Variants in WDR48 observed in about 807,000 individuals in gnomAD.
The protein encoded by WDR48 is WD repeat-containing protein 48.
WDR48 carries 22 observed loss-of-function variants against 94.0 expected under a neutral mutation model. The ratio of observed to expected loss-of-function variants is 0.23; its 90% CI spans 0.17 to 0.33. The LOEUF is 0.33. Among genes scored for constraint, WDR48 ranks in the 10% least tolerant of loss-of-function variants. The probability of loss-of-function intolerance (pLI) is 1.00; values close to 1 mark genes in which losing one functional copy is unlikely to be tolerated. For missense variants in WDR48, 541 were observed against 813.8 expected (o/e 0.66, Z 4.08); for synonymous variants, 278 against 280.5 (o/e 0.99, Z 0.09).
Position 39,094,825 on chromosome 3 carries a change from C to G in WDR48, c.*82C>G. On this transcript the variant is annotated 3_prime_UTR_variant, in exon 19 of 19. Coordinates refer to ENST00000302313, the MANE Select transcript of WDR48 (RefSeq NM_020839.4). ...GTAGTCCTAGGAAGCCCACTGATCCCCAACGGGAGCAAGACTTCTAACGGC... is the reference window on the plus strand; with the variant it reads ...GTAGTCCTAGGAAGCCCACTGATCCGCAACGGGAGCAAGACTTCTAACGGC... 6.5e-7 allele frequency: 1 copy of G among 1,534,786 alleles called. No individual in the cohort carries two copies. Among genetic ancestry groups the G allele is most frequent in the Non-Finnish European group, 8.8e-7 (1 of 1,133,752 alleles).
chr3:39,084,917 G>A (rs1413752915), intron 13 of WDR48, among the ~76,000 whole-genome samples, 176 bp downstream of exon 13: 1 of 152,094 alleles, frequency 6.6e-6, no homozygotes, highest in African/African-American at 2.4e-5. Flanking sequence ...ATTTCATATG[G>A]AAATAGCCGT....
intron 1 of WDR48, among the ~76,000 whole-genome samples, chr3:39,055,031 A>G (rs1287985149): frequency 6.6e-6 from 1 of 152,256 alleles, no homozygotes; most frequent in Non-Finnish European, 1.5e-5. Flanking sequence ...ATTTGCTCTT[A>G]TACATCAAAA....
intron 1 of WDR48, among the ~76,000 whole-genome samples, chr3:39,061,132 G>T (rs138127973): frequency 0.069 from 10,490 of 152,054 alleles, 1,157 homozygotes; most frequent in African/African-American, 0.23. Context: ...CAAGTTCTAG[G>T]GTACATGTGC....
chr3:39,084,792 A>G (rs769570122), intron 13 of WDR48, 51 bp downstream of exon 13: 1 of 1,505,766 alleles, frequency 6.6e-7, no homozygotes, highest in South Asian at 1.2e-5. Context: ...GAGAAGATGA[A>G]TATGAGCTGT....
At chr3:39,056,246 A>T (rs2032878901) in intron 1 of WDR48, among the ~76,000 whole-genome samples, 1 of 152,232 alleles carries the variant, frequency 6.6e-6, no homozygotes, top group African/African-American at 2.4e-5. Context: ...CTCCAGTTAT[A>T]AAATAGTAAA....
intron 7 of WDR48, among the ~76,000 whole-genome samples, chr3:39,074,344 TA>T (rs1281628663): frequency 7.9e-5 from 12 of 152,316 alleles, no homozygotes; most frequent in African/African-American, 2.9e-4. Context: ...CCATTTTCCT[TA>T]TTGGCAACTA....
intron 17 of WDR48, among the ~76,000 whole-genome samples, chr3:39,091,924 C>A (rs1179162625): frequency 6.6e-6 from 1 of 152,202 alleles, no homozygotes; most frequent in Admixed American, 6.5e-5. Flanking sequence ...ATAATCCCAA[C>A]ACTTTGGGAG....
chr3:39,094,373 C>T, intron 18 of WDR48: 4 of 1,461,256 alleles, frequency 2.7e-6, no homozygotes, highest in Non-Finnish European at 3.6e-6. Flanking sequence ...GGAGAAATGG[C>T]AGAACTGTTT....
At chr3:39,093,815 G>A (rs1202733090) in intron 17 of WDR48, 59 bp from the exon 18 acceptor site, 2 of 1,390,226 alleles carry the variant, frequency 1.4e-6, no homozygotes, top group Non-Finnish European at 1.9e-6. Context: ...AAAATAATAT[G>A]GAATAAATAA....
intron 8 of WDR48, among the ~76,000 whole-genome samples, chr3:39,076,073 G>A (rs2034208891): frequency 6.6e-6 from 1 of 152,140 alleles, no homozygotes; most frequent in South Asian, 2.1e-4. Context: ...AAAGGAAAAT[G>A]AGAAACAGAA....
chr3:39,058,736 C>T (rs978764277), intron 1 of WDR48, among the ~76,000 whole-genome samples: 2 of 152,140 alleles, frequency 1.3e-5, no homozygotes, highest in African/African-American at 2.4e-5. Flanking sequence ...GCAGACAAGT[C>T]CCTTGCCTTC....
intron 1 of WDR48, among the ~76,000 whole-genome samples, chr3:39,057,346 A>C (rs1014645587): frequency 1.3e-5 from 2 of 152,238 alleles, no homozygotes; most frequent in African/African-American, 4.8e-5. Context: ...TTAACTATCC[A>C]GTAGCAACAA....
Position 39,069,682 on chromosome 3 carries a change from A to G in WDR48, c.610A>G (p.Met204Val). The G allele has an allele frequency of 1.2e-6, 2 of 1,613,864 alleles. No homozygotes were observed. Among genetic ancestry groups the G allele is most frequent in the Non-Finnish European group, 1.7e-6 (2 of 1,179,794 alleles). Residue 204 changes from methionine to valine, a missense_variant, in exon 7 of 19, where the codon ATG (methionine) becomes GTG (valine). By Grantham distance (21) the Met-to-Val change is conservative. This residue lies in a region of WDR48 where 104 missense variants were observed against 189.7 expected (regional missense o/e 0.55). Transcript: ENST00000302313. ...GGATCCAAGAACATGTGCAAAACTA[A>G]TGAAGCTTAAAGGGCACACGGATAA... ...VWDPRTCAKL[M>V]KLKGHTDNVK...
chr3:39,079,714 G>A lies in WDR48; in HGVS notation c.1079G>A (p.Gly360Asp). 1 of 1,541,638 alleles carries A rather than the reference G, an allele frequency of 6.5e-7. No individual in the cohort carries two copies. The highest frequency in any genetic ancestry group is 8.7e-7 in the Non-Finnish European group (1 of 1,152,424). ...CTQPDQVIKGGASIIQCHILN... is the reference protein window; with the variant it reads ...CTQPDQVIKGDASIIQCHILN... ...TTGTGTTTTTTTTTCCCATTAGGGG[G>A]TGCTAGTATTATTCAGTGCCACATT... The change falls in exon 11 of 19, where the codon GGT becomes GAT. Residue 360 changes from glycine (G) to aspartate (D), a missense_variant. By Grantham distance (94) the Gly-to-Asp change is moderately conservative. This residue lies in a region of WDR48 where 238 missense variants were observed against 285.3 expected (regional missense o/e 0.83). Coordinates refer to ENST00000302313, the MANE Select transcript of WDR48 (RefSeq NM_020839.4).
intron 2 of WDR48, among the ~76,000 whole-genome samples, chr3:39,065,314 A>G (rs1185635643): frequency 6.6e-6 from 1 of 152,138 alleles, no homozygotes; most frequent in African/African-American, 2.4e-5. Flanking sequence ...GGTGAACCCA[A>G]CAGTAGGAAG....
rs116639638 is a variant in WDR48 at position 39,055,823 on chromosome 3, C to G, written c.48+3750C>G. 4.8e-3 allele frequency among the ~76,000 whole-genome samples: 736 copies of G among 152,264 alleles called. 6 individuals are homozygous for G. Among genetic ancestry groups the G allele is most frequent in the African/African-American group, 0.017 (695 of 41,550 alleles). Reference sequence around the variant, plus strand: ...TTCCTCCTGTTATGGCCTCTTCCTTCAGTGCTTCACAGTGCTTGGGGAAAA... The same window carrying G: ...TTCCTCCTGTTATGGCCTCTTCCTTGAGTGCTTCACAGTGCTTGGGGAAAA... On this transcript the variant is annotated intron_variant, in intron 1 of 18. Coordinates refer to ENST00000302313, the MANE Select transcript of WDR48 (RefSeq NM_020839.4).
At chr3:39,063,229 G>A in intron 2 of WDR48, 39 bp downstream of exon 2, 1 of 1,605,532 alleles carries the variant, frequency 6.2e-7, no homozygotes, top group East Asian at 2.2e-5. Context: ...GCAAATTCTG[G>A]ACAAATGGCT....
chr3:39,088,224 C>T lies in WDR48; in HGVS notation c.1571C>T (p.Thr524Ile). 1 of 1,614,152 alleles carries T rather than the reference C, an allele frequency of 6.2e-7. No homozygotes were observed. Among genetic ancestry groups the T allele is most frequent in the East Asian group, 2.2e-5 (1 of 44,890 alleles). ...PVIFGEAGGR[T>I]LFRLLCRDSG... Reference sequence around the variant, plus strand: ...ATCTTTGGTGAAGCTGGAGGTCGCACACTGTTCAGGTATGGGTAAGAAAGA... The same window carrying T: ...ATCTTTGGTGAAGCTGGAGGTCGCATACTGTTCAGGTATGGGTAAGAAAGA... Residue 524 changes from threonine (T) to isoleucine (I), a missense_variant, in exon 15 of 19, where the codon ACA (threonine) becomes ATA (isoleucine). Thr to Ile is a moderately conservative substitution (Grantham distance 89). This residue lies in a region of WDR48 where 109 missense variants were observed against 195.5 expected (regional missense o/e 0.56). Transcript: ENST00000302313.
chr3:39,053,340 A>G (rs1403998500), intron 1 of WDR48, among the ~76,000 whole-genome samples: 5 of 152,224 alleles, frequency 3.3e-5, no homozygotes, highest in Non-Finnish European at 7.3e-5. Context: ...AGAAGGTGGT[A>G]GGCCATAAAG....
Sources: gnomAD v4.1 joint callset for allele counts (sites outside exome capture counted in the v4.1 genomes callset) on GRCh38, gnomAD v4.1.1 for gene constraint, gnomAD v4.1.1 regional missense constraint, MANE v1.5 for transcripts, NCBI Gene and HGNC (gene_info 2026-07-23, HGNC 2026-07-21) for gene names.